The following PGPEP1L variants were observed in gnomAD, a reference collection of about 807,000 sequenced individuals.
PGPEP1L encodes the protein pyroglutamyl-peptidase I like, also known as pyroglutamyl-peptidase 1-like protein.
PGPEP1L carries 7 observed loss-of-function variants against 6.0 expected under a neutral mutation model. That is an observed-to-expected ratio of 1.17 (90% CI 0.66 to 2.19). The LOEUF (loss-of-function observed/expected upper bound fraction) is 2.19. Ranked by LOEUF, PGPEP1L falls within the 30% of genes most tolerant of loss-of-function variation. PGPEP1L has a pLI of 0.00. For missense variants in PGPEP1L, 209 were observed against 192.5 expected, an observed-to-expected ratio of 1.09 and a Z score of -0.51; for synonymous variants, 103 against 83.9, an observed-to-expected ratio of 1.23 and a Z score of -1.24.
intron 2 of PGPEP1L, chr15:98,998,117 T>C (rs1163474879): frequency 5.2e-5 from 8 of 152,658 alleles, no homozygotes; most frequent in African/African-American, 9.6e-5. Context: ...TTACCTTCAC[T>C]GCTTCCCAGC....
chr15:98,977,109 T>C (rs1285968009), intron 2 of PGPEP1L, among the ~76,000 whole-genome samples: 4 of 151,956 alleles, frequency 2.6e-5, no homozygotes, highest in South Asian at 2.1e-4. Flanking sequence ...TAAAAGTTAA[T>C]AGAAATGGTC....
At chr15:98,994,775 GTGTT>G (rs1219258356) in intron 2 of PGPEP1L, among the ~76,000 whole-genome samples, 3 of 152,072 alleles carry the variant, frequency 2.0e-5, no homozygotes, top group South Asian at 2.1e-4. Flanking sequence ...TAAACTCTTG[GTGTT>G]TGTTTTTATA....
chr15:98,973,448 T>C (rs2017526455), intron 2 of PGPEP1L, among the ~76,000 whole-genome samples: 1 of 152,244 alleles, frequency 6.6e-6, no homozygotes, highest in Non-Finnish European at 1.5e-5. Flanking sequence ...TCCAGAATAG[T>C]TCAAATGTTA....
chr15:98,970,410 G>GA (rs1446446481), intron 3 of PGPEP1L, among the ~76,000 whole-genome samples: 1 of 152,190 alleles, frequency 6.6e-6, no homozygotes, highest in Non-Finnish European at 1.5e-5. Context: ...AATCTTCTTA[G>GA]AATTTATTCA....
intron 2 of PGPEP1L, among the ~76,000 whole-genome samples, chr15:98,987,165 C>CAAAAAAAAAAAAAAAAA (rs57923635): frequency 3.6e-4 from 12 of 33,394 alleles, no homozygotes; most frequent in South Asian, 2.0e-3. Flanking sequence ...GACTCCATCT[C>CAAAAAAAAAAAAAAAAA]AAAAAAAAAA....
At chr15:98,970,690 T>C (rs926459995) in intron 3 of PGPEP1L, among the ~76,000 whole-genome samples, 1 of 152,178 alleles carries the variant, frequency 6.6e-6, no homozygotes. Context: ...TTGCCTCACG[T>C]CCACCTTCAA....
In PGPEP1L at chr15:99,004,723, AAATT is replaced by A. The variant is rs1482032213; in HGVS notation, c.-142+702_-142+705del. On this transcript the variant is annotated intron_variant, in intron 2 of 4. Coordinates refer to ENST00000535714, the MANE Select transcript of PGPEP1L (RefSeq NM_001167902.2). ...CAGAACAAGACTCTGTCTCAAAAAA[AAATT>A]AATAAAAATAAAGACCTTTGTGAAG... Among the ~76,000 whole-genome samples, 20 of 152,246 alleles carry A rather than the reference AAATT, an allele frequency of 1.3e-4. No homozygotes were observed. The East Asian group carries it at 2.1e-3, about 16-fold the overall frequency.
At chr15:99,006,287 A>G (rs58577434) in intron 1 of PGPEP1L, among the ~76,000 whole-genome samples, 15,467 of 152,272 alleles carry the variant, frequency 0.1, 902 homozygotes, top group African/African-American at 0.14. Context: ...CGTCTGTGCA[A>G]GCTTGCTAGC....
At chr15:98,993,971 TAAA>T (rs1211950467) in intron 2 of PGPEP1L, among the ~76,000 whole-genome samples, 2 of 152,168 alleles carry the variant, frequency 1.3e-5, no homozygotes, top group East Asian at 1.9e-4. Flanking sequence ...ACAAGGACCT[TAAA>T]AAACAAATTT....
intron 2 of PGPEP1L, among the ~76,000 whole-genome samples, chr15:98,980,706 C>T (rs549660784): frequency 4.8e-4 from 73 of 152,084 alleles, no homozygotes; most frequent in Admixed American, 9.2e-4. Context: ...CCGAGGTGGA[C>T]GGATCACCTG....
At chr15:98,971,398 G>A (rs1018261475) in intron 2 of PGPEP1L, among the ~76,000 whole-genome samples, 3 of 152,188 alleles carry the variant, frequency 2.0e-5, no homozygotes, top group African/African-American at 7.2e-5. Flanking sequence ...GGAGGCTGAG[G>A]CAGGAGAATC....
intron 2 of PGPEP1L, among the ~76,000 whole-genome samples, chr15:98,985,814 C>T (rs782455930): frequency 1.3e-5 from 2 of 152,238 alleles, no homozygotes; most frequent in Non-Finnish European, 2.9e-5. Context: ...ATTCAATGAA[C>T]TACTCTGCAT....
At chr15:98,977,444 C>G (rs900530562) in intron 2 of PGPEP1L, among the ~76,000 whole-genome samples, 1 of 152,198 alleles carries the variant, frequency 6.6e-6, no homozygotes, top group African/African-American at 2.4e-5. Flanking sequence ...CCTTTCATCT[C>G]TGGCTTATTT....
chr15:98,985,049 CA>C (rs1172919239), intron 2 of PGPEP1L, among the ~76,000 whole-genome samples: 1 of 152,010 alleles, frequency 6.6e-6, no homozygotes, highest in Admixed American at 6.6e-5. Context: ...CTATGGTGAG[CA>C]AGAAGATTGA....
At chr15:98,975,819 T>G (rs2017561100) in intron 2 of PGPEP1L, among the ~76,000 whole-genome samples, 1 of 152,106 alleles carries the variant, frequency 6.6e-6, no homozygotes, top group African/African-American at 2.4e-5. Context: ...AGGCGGAGGT[T>G]GCAGTGAGAC....
chr15:98,983,870 A>G (rs771065751), intron 2 of PGPEP1L, among the ~76,000 whole-genome samples: 5 of 152,144 alleles, frequency 3.3e-5, no homozygotes, highest in Non-Finnish European at 7.3e-5. Flanking sequence ...AACCACAATA[A>G]AAATGCATTT....
chr15:98,974,720 A>G (rs1396207223), intron 2 of PGPEP1L, among the ~76,000 whole-genome samples: 1 of 152,182 alleles, frequency 6.6e-6, no homozygotes, highest in African/African-American at 2.4e-5. Flanking sequence ...AACATGGTGA[A>G]ACCCCATCTC....
chr15:98,977,548 TTA>T (rs1358658624), intron 2 of PGPEP1L, among the ~76,000 whole-genome samples: 1 of 152,212 alleles, frequency 6.6e-6, no homozygotes, highest in African/African-American at 2.4e-5. Flanking sequence ...AGAACACACT[TTA>T]TGTGACCTGA....
At chr15:98,979,706 C>T (rs928452515) in intron 2 of PGPEP1L, among the ~76,000 whole-genome samples, 9 of 133,566 alleles carry the variant, frequency 6.7e-5, no homozygotes, top group Non-Finnish European at 1.2e-4. Context: ...GCTGGCGTGC[C>T]ATGGCACAAT....
Sources: gnomAD v4.1 joint callset for allele counts (sites outside exome capture counted in the v4.1 genomes callset) on GRCh38, gnomAD v4.1.1 for gene constraint, MANE v1.5 for transcripts, NCBI Gene and HGNC (gene_info 2026-07-23, HGNC 2026-07-21) for gene names.